The following TUFT1 variants were observed in gnomAD, a reference collection of about 807,000 sequenced individuals.
The protein encoded by TUFT1 is tuftelin.
TUFT1 carries 43 observed loss-of-function variants against 57.8 expected under a neutral mutation model. The observed-to-expected ratio is 0.74, with a 90% confidence interval of 0.58 to 0.96. The LOEUF (loss-of-function observed/expected upper bound fraction) is 0.96. TUFT1 is among the 40% of genes least tolerant of loss of function. The pLI is 0.00. For missense variants in TUFT1, 459 were observed against 489.0 expected, an observed-to-expected ratio of 0.94 and a Z score of 0.58; for synonymous variants, 166 against 176.7, an observed-to-expected ratio of 0.94 and a Z score of 0.48.
chr1:151,556,196 G>A (rs952612238), intron 1 of TUFT1, among the ~76,000 whole-genome samples: 7 of 152,170 alleles, frequency 4.6e-5, no homozygotes, highest in East Asian at 1.9e-4. Context: ...TTATTGCTGA[G>A]TAGTATTCCA....
rs1417227532 is a variant in TUFT1 at position 151,582,081 on chromosome 1, C to T, written c.*374C>T. The T allele has an allele frequency of 2.0e-6, 1 of 498,494 alleles. No individual in the cohort carries two copies. The highest frequency in any genetic ancestry group is 1.5e-5 in the South Asian group (1 of 64,942). The allele number at this position is 498,494 out of a possible 1,614,324, so 30.9% of individuals were successfully genotyped here. ...GAGAGGTGACAAGATTTGCCTCAGC[C>T]CTAAAAGCTGGAGACACAGATGTCC... is the stretch of plus-strand genomic sequence containing the variant. On this transcript the variant is annotated 3_prime_UTR_variant, in exon 13 of 13. Transcript: ENST00000368849.
chr1:151,569,514 T>G, intron 6 of TUFT1, 143 bp from the exon 7 acceptor site: 1 of 665,132 alleles, frequency 1.5e-6, no homozygotes, highest in Non-Finnish European at 2.7e-6. Flanking sequence ...CTAAGGTAAC[T>G]CTCCCCTTGT....
chr1:151,564,294 C>T (rs898486462), intron 4 of TUFT1, among the ~76,000 whole-genome samples: 1 of 152,138 alleles, frequency 6.6e-6, no homozygotes, highest in African/African-American at 2.4e-5. Context: ...GCACTTATGC[C>T]CATATAACAT....
chr1:151,560,980 G>A (rs900568514), intron 1 of TUFT1, among the ~76,000 whole-genome samples: 1 of 151,064 alleles, frequency 6.6e-6, no homozygotes, highest in Admixed American at 6.6e-5. Flanking sequence ...GTGTGTGTGT[G>A]TGTGTGTGTG....
intron 5 of TUFT1, 114 bp from the exon 6 acceptor site, chr1:151,566,049 T>C: frequency 5.6e-6 from 1 of 179,438 alleles, no homozygotes; most frequent in Admixed American, 4.7e-5. Context: ...CCTTTCACCT[T>C]CCTCTCCCTC....
intron 1 of TUFT1, among the ~76,000 whole-genome samples, chr1:151,542,869 C>A (rs1330536254): frequency 6.6e-6 from 1 of 152,140 alleles, no homozygotes; most frequent in East Asian, 1.9e-4. Flanking sequence ...AACTTGCAGA[C>A]AGAATTTATG....
chr1:151,573,763 T>A (rs1034959306), intron 7 of TUFT1, among the ~76,000 whole-genome samples: 3 of 152,050 alleles, frequency 2.0e-5, no homozygotes, highest in Non-Finnish European at 4.4e-5. Flanking sequence ...ATAATAATAA[T>A]AAATAAATAA....
chr1:151,576,785 G>A (rs1001293023), intron 9 of TUFT1, among the ~76,000 whole-genome samples: 5 of 152,036 alleles, frequency 3.3e-5, no homozygotes, highest in African/African-American at 9.7e-5. Context: ...CACCACACCC[G>A]GCTAATTTTG....
At chr1:151,575,105 A>G (rs1666420282) in intron 9 of TUFT1, 100 bp downstream of exon 9, 2 of 1,060,164 alleles carry the variant, frequency 1.9e-6, no homozygotes, top group South Asian at 1.4e-5. Context: ...CTGGGGAGGA[A>G]GCTGGTGCTG....
chr1:151,560,370 C>T (rs1225983471), intron 1 of TUFT1, among the ~76,000 whole-genome samples: 2 of 151,856 alleles, frequency 1.3e-5, no homozygotes, highest in South Asian at 2.1e-4. Context: ...GAGCCAAGAT[C>T]GTGTCACTGC....
chr1:151,565,980 T>A, intron 5 of TUFT1, 183 bp from the exon 6 acceptor site: 1 of 497,816 alleles, frequency 2.0e-6, no homozygotes, highest in Non-Finnish European at 3.7e-6. Flanking sequence ...CTTCCTCTTC[T>A]CCTTTCTTCA....
intron 5 of TUFT1, 91 bp from the exon 6 acceptor site, chr1:151,566,072 T>C (rs1291602527): frequency 2.0e-6 from 1 of 493,520 alleles, no homozygotes; most frequent in Non-Finnish European, 3.5e-6. Flanking sequence ...CCTGTCCTTC[T>C]CTTTCTAAGA....
intron 1 of TUFT1, among the ~76,000 whole-genome samples, chr1:151,555,985 G>A (rs907767023): frequency 2.6e-5 from 4 of 151,918 alleles, no homozygotes; most frequent in African/African-American, 9.7e-5. Context: ...CCCTTTGAGA[G>A]CCACACTCAT....
intron 3 of TUFT1, among the ~76,000 whole-genome samples, 164 bp from the exon 4 acceptor site, chr1:151,563,740 C>T (rs1665971775): frequency 6.6e-6 from 1 of 152,062 alleles, no homozygotes; most frequent in Non-Finnish European, 1.5e-5. Flanking sequence ...ACTGATAGAC[C>T]AAAAAGTAAA....
At chr1:151,561,739 G>A (rs1259940199) in intron 1 of TUFT1, 3 of 1,313,084 alleles carry the variant, frequency 2.3e-6, no homozygotes, top group South Asian at 1.2e-5. Flanking sequence ...CTGGATTGAG[G>A]ATGAGCAGTC....
At chr1:151,577,455 A>G (rs1666508820) in intron 9 of TUFT1, among the ~76,000 whole-genome samples, 1 of 152,174 alleles carries the variant, frequency 6.6e-6, no homozygotes, top group African/African-American at 2.4e-5. Context: ...TGGAGATGCA[A>G]AGGCTCAGGA....
rs150402141 is a variant in TUFT1 at position 151,574,379 on chromosome 1, G to A, written c.704G>A (p.Arg235His). 37 of 1,613,972 alleles carry A rather than the reference G, an allele frequency of 2.3e-5. No homozygotes were observed. In the African/African-American group the frequency reaches 2.7e-4, roughly 12 times the overall value. ...KEAEVGELQR[R>H]LLGMETEHQA... ...GCAGAAGTCGGAGAGCTGCAGAGGC[G>A]CTTGCTAGGGATGGAGACGGTAACC... Residue 235 changes from arginine to histidine, a missense_variant, in exon 8 of 13, where the codon CGC becomes CAC. Arg to His is a conservative substitution (Grantham distance 29, BLOSUM62 0). Coordinates refer to ENST00000368849, the MANE Select transcript of TUFT1 (RefSeq NM_020127.3).
chr1:151,559,604 A>C (rs1275194929), intron 1 of TUFT1, among the ~76,000 whole-genome samples: 4 of 152,102 alleles, frequency 2.6e-5, no homozygotes, highest in African/African-American at 7.2e-5. Flanking sequence ...CTTGCATGCC[A>C]CTCTAAGGAT....
rs999107870 is a variant in TUFT1, at chr1:151,574,791, G to A, written c.724-120G>A. ...CCCCATCAAACCAGCTCATCTTGCT[G>A]CTCTTTGGCAGCTGTCCAGGCCCAG... On this transcript the variant is annotated intron_variant, in intron 8 of 12. Transcript: ENST00000368849. The A allele has an allele frequency of 1.8e-5, 15 of 821,936 alleles. No homozygotes were observed. The East Asian group carries it at 3.5e-4, about 19-fold the overall frequency. 50.9% of individuals were successfully genotyped at this position (821,936 alleles called of 1,614,324 possible). A position where few individuals can be genotyped will look rare whatever the true frequency, so the allele number is the denominator to read the frequency against.
Sources: gnomAD v4.1 joint callset for allele counts (sites outside exome capture counted in the v4.1 genomes callset) on GRCh38, gnomAD v4.1.1 for gene constraint, MANE v1.5 for transcripts, NCBI Gene and HGNC (gene_info 2026-07-23, HGNC 2026-07-21) for gene names.